The following ATP13A4 variants were observed in gnomAD, a reference collection of about 807,000 sequenced individuals.
The protein encoded by ATP13A4 is ATPase 13A4.
ATP13A4 carries 114 observed loss-of-function variants against 142.5 expected under a neutral mutation model. The observed-to-expected ratio is 0.80, with a 90% CI of 0.69 to 0.93. The LOEUF (loss-of-function observed/expected upper bound fraction) is 0.93. Among genes scored for constraint, ATP13A4 ranks in the 40% least tolerant of loss-of-function variants. ATP13A4 has a pLI of 0.00. For synonymous variants in ATP13A4, 488 were observed against 514.8 expected, an observed-to-expected ratio of 0.95 and a Z score of 0.70; for missense variants, 1,392 against 1,454.0, an observed-to-expected ratio of 0.96 and a Z score of 0.69.
Position 193,407,190 on chromosome 3 carries a change from G to A in ATP13A4, c.3378+123C>T. ...CACCATTGCTTATACTGTGAAGGAA[G>A]GGAGCCCCTGCACTGCTGAGTCCAT... On this transcript the variant is annotated intron_variant, in intron 29 of 29. Transcript: ENST00000342695. 6 of 792,862 alleles carry A rather than the reference G, an allele frequency of 7.6e-6. 1 individual carries two copies. The South Asian group carries it at 8.7e-5, about 12-fold the overall frequency. The allele number at this position is 792,862 out of a possible 1,614,324, so 49.1% of individuals were successfully genotyped here. A position where few individuals can be genotyped will look rare whatever the true frequency, so the allele number is the denominator to read the frequency against.
chr3:193,485,619 T>A (rs1427325778), intron 7 of ATP13A4, among the ~76,000 whole-genome samples: 1 of 152,136 alleles, frequency 6.6e-6, no homozygotes, highest in Non-Finnish European at 1.5e-5. Context: ...GACATAGAAA[T>A]TTTTTAAAAG....
At chr3:193,457,490 T>C (rs1259807098) in intron 14 of ATP13A4, 25 bp from the exon 15 acceptor site, 2 of 1,597,956 alleles carry the variant, frequency 1.3e-6, no homozygotes, top group Admixed American at 1.7e-5. Context: ...GGATATTTCA[T>C]TGCAGAGATT....
At chr3:193,582,340 G>T (rs1486082014) in intron 1 of ATP13A4, among the ~76,000 whole-genome samples, 76 of 148,696 alleles carry the variant, frequency 5.1e-4, no homozygotes, top group African/African-American at 1.7e-3. Context: ...GTAGAGATGG[G>T]GTTTTACCAC....
intron 25 of ATP13A4, among the ~76,000 whole-genome samples, chr3:193,427,296 T>C (rs935289287): frequency 2.0e-5 from 3 of 152,042 alleles, no homozygotes; most frequent in Non-Finnish European, 4.4e-5. Flanking sequence ...CTCAACGAAA[T>C]AAAAGAGGAC....
chr3:193,517,904 T>C (rs1252245158), intron 1 of ATP13A4, among the ~76,000 whole-genome samples: 1 of 152,218 alleles, frequency 6.6e-6, no homozygotes, highest in East Asian at 1.9e-4. Flanking sequence ...AACATTTTTC[T>C]AAGTTTCTTC....
intron 1 of ATP13A4, among the ~76,000 whole-genome samples, chr3:193,585,026 G>T (rs900659826): frequency 6.6e-6 from 1 of 152,158 alleles, no homozygotes. Flanking sequence ...TCTAAATCAA[G>T]CTTGTCCATC....
At chr3:193,552,010 T>C (rs750238095) in intron 1 of ATP13A4, among the ~76,000 whole-genome samples, 57 of 152,352 alleles carry the variant, frequency 3.7e-4, no homozygotes, top group Non-Finnish European at 7.1e-4. Context: ...AGTCTTGCTC[T>C]GTTGCCAGGC....
chr3:193,437,365 T>G (rs780623187), intron 23 of ATP13A4, among the ~76,000 whole-genome samples: 34 of 152,274 alleles, frequency 2.2e-4, no homozygotes, highest in Middle Eastern at 3.4e-3. Context: ...GGTATCATCC[T>G]TATCTCCCTT....
In ATP13A4 at chr3:193,401,954, C is replaced by T. The variant is rs1207003717; in HGVS notation, c.*698G>A. 3 of 152,408 alleles carry T rather than the reference C, an allele frequency of 2.0e-5. No homozygotes were observed. Among genetic ancestry groups the T allele is most frequent in the African/African-American group, 7.2e-5 (3 of 41,456 alleles). 9.4% of individuals were successfully genotyped at this position (152,408 alleles called of 1,614,324 possible). A position where few individuals can be genotyped will look rare whatever the true frequency, so the allele number is the denominator to read the frequency against. On this transcript the variant is annotated 3_prime_UTR_variant, in exon 30 of 30. Transcript: ENST00000342695. ...AGTCTATTCCTTCCCCCATCACAGT[C>T]AACACACAGTCCTTGCATCGAGCTG...
intron 29 of ATP13A4, among the ~76,000 whole-genome samples, chr3:193,406,901 G>A (rs1714526430): frequency 6.6e-6 from 1 of 152,196 alleles, no homozygotes; most frequent in African/African-American, 2.4e-5. Context: ...TTTCTTTAGC[G>A]ATGATGAAAA....
intron 15 of ATP13A4, 108 bp from the exon 16 acceptor site, chr3:193,457,261 C>T (rs375993642): frequency 6.4e-7 from 1 of 1,572,602 alleles, no homozygotes; most frequent in Non-Finnish European, 8.7e-7. Context: ...GGGGGAAGGT[C>T]TCACCCATTT....
At chr3:193,540,975 C>T (rs577844907) in intron 1 of ATP13A4, among the ~76,000 whole-genome samples, 53 of 152,232 alleles carry the variant, frequency 3.5e-4, no homozygotes, top group Middle Eastern at 6.8e-3. Context: ...TAGGGCCGGG[C>T]GCGGTGGCTC....
intron 25 of ATP13A4, among the ~76,000 whole-genome samples, chr3:193,432,455 C>T (rs1329730831): frequency 6.6e-6 from 1 of 152,078 alleles, no homozygotes; most frequent in Non-Finnish European, 1.5e-5. Flanking sequence ...TTTATAGCAG[C>T]TTTATTTACA....
At chr3:193,547,135 C>T (rs78986517) in intron 1 of ATP13A4, among the ~76,000 whole-genome samples, 2,760 of 152,276 alleles carry the variant, frequency 0.018, 46 homozygotes, top group Non-Finnish European at 0.027. Context: ...CTTCTTAATT[C>T]TATCATTTAA....
intron 2 of ATP13A4, among the ~76,000 whole-genome samples, chr3:193,560,067 AT>A (rs1172041844): frequency 6.6e-6 from 1 of 152,172 alleles, no homozygotes; most frequent in Non-Finnish European, 1.5e-5. Context: ...GGCCTTAGAA[AT>A]TACTAAGTTA....
intron 9 of ATP13A4, among the ~76,000 whole-genome samples, chr3:193,469,971 C>T (rs138935807): frequency 3.1e-3 from 467 of 152,270 alleles, no homozygotes; most frequent in Non-Finnish European, 4.6e-3. Flanking sequence ...CCATGGTCTG[C>T]GACACATCTA....
intron 9 of ATP13A4, among the ~76,000 whole-genome samples, chr3:193,467,733 A>G (rs1438204466): frequency 6.6e-6 from 1 of 152,222 alleles, no homozygotes; most frequent in Non-Finnish European, 1.5e-5. Context: ...TGGGTACTGT[A>G]AATCAAACAC....
chr3:193,406,778 T>C (rs1231006504), intron 29 of ATP13A4, among the ~76,000 whole-genome samples: 1 of 152,192 alleles, frequency 6.6e-6, no homozygotes, highest in African/African-American at 2.4e-5. Flanking sequence ...GTTTCACTTA[T>C]ATGAAATGTC....
At chr3:193,504,020 T>TGTGTGTGAGAGA (rs1034644341) in intron 2 of ATP13A4, among the ~76,000 whole-genome samples, 3 of 144,216 alleles carry the variant, frequency 2.1e-5, no homozygotes, top group African/African-American at 7.8e-5. Flanking sequence ...TGTGTGTGTG[T>TGTGTGTGAGAGA]GAGAGAGAGA....
Sources: allele counts gnomAD v4.1 joint callset (sites outside exome capture counted in the v4.1 genomes callset), GRCh38; gene constraint gnomAD v4.1.1; transcripts MANE v1.5; gene names NCBI Gene and HGNC (gene_info 2026-07-23, HGNC 2026-07-21).